Variants in CALCRL observed in about 807,000 individuals in gnomAD.
CALCRL encodes calcitonin gene-related peptide type 1 receptor.
A neutral mutation model predicts 60.4 loss-of-function variants in CALCRL; 27 were observed. That is an observed-to-expected ratio of 0.45 (90% CI 0.33 to 0.62). The LOEUF (loss-of-function observed/expected upper bound fraction) is 0.62. Ranked by LOEUF, CALCRL falls within the 20% of genes least tolerant of loss-of-function variation. The pLI is 0.03. For synonymous variants in CALCRL, 190 were observed against 182.6 expected (o/e 1.04, Z -0.33); for missense variants, 424 against 540.7 (o/e 0.78, Z 2.14).
At chr2:187,365,063 G>T (rs1314968102) in intron 8 of CALCRL, among the ~76,000 whole-genome samples, 1 of 152,124 alleles carries the variant, frequency 6.6e-6, no homozygotes, top group African/African-American at 2.4e-5. Context: ...TAGAAAAAAA[G>T]AATCTTTGAA....
chr2:187,431,188 G>A (rs779446183), intron 1 of CALCRL: 9 of 154,564 alleles, frequency 5.8e-5, no homozygotes, highest in Non-Finnish European at 1.2e-4. Context: ...ATGCCTTTCC[G>A]TGAAATATTT....
rs1688512332 is a variant in CALCRL, at chr2:187,392,998, C to T, written c.-292-5242G>A. 5.3e-5 allele frequency among the ~76,000 whole-genome samples: 8 copies of T among 152,200 alleles called. No individual in the cohort carries two copies. The South Asian group carries it at 1.5e-3, about 28-fold the overall frequency. ...ACAAAACATAAAGAAGCTTTACTTT[C>T]CTGAAGACATGTTACGGATATAAGA... On this transcript the variant is annotated intron_variant, in intron 1 of 14. Transcript: ENST00000392370.
intron 1 of CALCRL, among the ~76,000 whole-genome samples, chr2:187,444,489 C>T (rs1479230565): frequency 6.6e-6 from 1 of 151,332 alleles, no homozygotes; most frequent in East Asian, 1.9e-4. Flanking sequence ...CTTAACATTT[C>T]AAAAGTAAAT....
At chr2:187,363,150 T>C (rs2105734318) in intron 9 of CALCRL, among the ~76,000 whole-genome samples, 1 of 152,272 alleles carries the variant, frequency 6.6e-6, no homozygotes, top group Non-Finnish European at 1.5e-5. Flanking sequence ...ATACTGAGAA[T>C]ACTCTGAGGG....
At chr2:187,384,815 T>TC (rs1406251460) in intron 4 of CALCRL, among the ~76,000 whole-genome samples, 3 of 152,176 alleles carry the variant, frequency 2.0e-5, no homozygotes, top group African/African-American at 4.8e-5. Flanking sequence ...TCTTGGTTTT[T>TC]CATGTTTATA....
chr2:187,380,795 G>A lies in CALCRL; in HGVS notation c.185-8C>T. 5 of 1,601,102 alleles carry A rather than the reference G, an allele frequency of 3.1e-6. No homozygotes were observed. The highest frequency in any genetic ancestry group is 4.3e-6 in the Non-Finnish European group (5 of 1,168,900). On this transcript the variant is annotated splice_region_variant and splice_polypyrimidine_tract_variant and intron_variant, in intron 5 of 14. Transcript: ENST00000392370. ...TTCTGTTGCAGTAAACGCCTTAGTG[G>A]GGAAATAATAATTGGGGATAATTAA...
At chr2:187,378,821 T>G in intron 8 of CALCRL, 119 bp downstream of exon 8, 1 of 573,564 alleles carries the variant, frequency 1.7e-6, no homozygotes, top group Non-Finnish European at 3.1e-6. Flanking sequence ...CAACTTATTT[T>G]AAACATTATA....
intron 1 of CALCRL, among the ~76,000 whole-genome samples, chr2:187,431,860 T>G (rs919632586): frequency 1.3e-5 from 2 of 151,330 alleles, no homozygotes; most frequent in Non-Finnish European, 3.0e-5. Flanking sequence ...AAATGAGAAA[T>G]GTATGATGGT....
In CALCRL at chr2:187,346,213, G is replaced by T; in HGVS notation, c.1357C>A (p.Leu453Ile). Residue 453 changes from leucine to isoleucine, a missense_variant, in exon 15 of 15, where the codon CTC (leucine) becomes ATC (isoleucine). This residue lies in a region of CALCRL where 222 missense variants were observed against 265.6 expected (regional missense o/e 0.84). Coordinates refer to ENST00000392370, the MANE Select transcript of CALCRL (RefSeq NM_005795.6). ...GKSIHDIENV[L>I]LKPENLYN ...TTATATAAATTTTCTGGTTTTAAGA[G>T]AACATTTTCAATATCATGGATGCTT... 6.2e-7 allele frequency: 1 copy of T among 1,609,300 alleles called. No homozygotes were observed.
chr2:187,385,999 T>C (rs1167522902), intron 3 of CALCRL, among the ~76,000 whole-genome samples: 2 of 152,176 alleles, frequency 1.3e-5, no homozygotes, highest in East Asian at 3.9e-4. Context: ...CAGATTAAAA[T>C]ATATTAAAAC....
intron 10 of CALCRL, among the ~76,000 whole-genome samples, chr2:187,359,593 T>C (rs190716977): frequency 1.3e-5 from 2 of 152,270 alleles, no homozygotes; most frequent in African/African-American, 4.8e-5. Flanking sequence ...AATTCAGCAT[T>C]CGTGTACTTT....
intron 1 of CALCRL, among the ~76,000 whole-genome samples, chr2:187,416,844 G>C (rs895257695): frequency 3.3e-5 from 5 of 152,010 alleles, no homozygotes; most frequent in Non-Finnish European, 5.9e-5. Flanking sequence ...CATCAATAAA[G>C]ACCTATAATC....
At chr2:187,395,569 G>A (rs140086998) in intron 1 of CALCRL, among the ~76,000 whole-genome samples, 15 of 152,134 alleles carry the variant, frequency 9.9e-5, no homozygotes, top group African/African-American at 3.4e-4. Context: ...AATTAAATTT[G>A]TTACCTTACC....
intron 8 of CALCRL, among the ~76,000 whole-genome samples, chr2:187,373,166 A>T (rs1687606279): frequency 2.6e-5 from 4 of 152,148 alleles, no homozygotes; most frequent in Admixed American, 2.6e-4. Flanking sequence ...TATGTGCAAG[A>T]TCCTATGCTA....
At chr2:187,379,177 A>C (rs1687888049) in intron 7 of CALCRL, 146 bp from the exon 8 acceptor site, 2 of 474,216 alleles carry the variant, frequency 4.2e-6, no homozygotes, top group Non-Finnish European at 7.5e-6. Flanking sequence ...TGAGTTTACA[A>C]ACCAATAAAT....
intron 1 of CALCRL, among the ~76,000 whole-genome samples, chr2:187,399,930 T>C (rs775742351): frequency 6.6e-6 from 1 of 151,430 alleles, no homozygotes; most frequent in Non-Finnish European, 1.5e-5. Context: ...TGGTAACTAC[T>C]GGAGTCTGGG....
At chr2:187,358,923 T>C in intron 12 of CALCRL, 140 bp downstream of exon 12, 3 of 749,994 alleles carry the variant, frequency 4.0e-6, no homozygotes, top group Non-Finnish European at 7.1e-6. Flanking sequence ...ATACCTTCAC[T>C]AAACGCTATT....
intron 1 of CALCRL, among the ~76,000 whole-genome samples, chr2:187,409,938 GT>G (rs1406934881): frequency 6.6e-6 from 1 of 152,198 alleles, no homozygotes; most frequent in African/African-American, 2.4e-5. Context: ...GCTGTGTCAG[GT>G]GAGGCTGTGG....
At chr2:187,388,430 G>A (rs1230646442) in intron 1 of CALCRL, among the ~76,000 whole-genome samples, 1 of 151,796 alleles carries the variant, frequency 6.6e-6, no homozygotes, top group Non-Finnish European at 1.5e-5. Flanking sequence ...AAAAATTAAA[G>A]CAATTTACAG....
Sources: gnomAD v4.1 joint callset for allele counts (sites outside exome capture counted in the v4.1 genomes callset) on GRCh38, gnomAD v4.1.1 for gene constraint, gnomAD v4.1.1 regional missense constraint, MANE v1.5 for transcripts, NCBI Gene and HGNC (gene_info 2026-07-23, HGNC 2026-07-21) for gene names.